CLECL1: variants seen among roughly 807,000 people sequenced by gnomAD.
The protein encoded by CLECL1 is C-type lectin-like domain family 1.
chr12:9,726,761 CTTTA>C lies in CLECL1; in HGVS notation n.262+800_262+803del, dbSNP rs781143285. On this transcript the variant is annotated intron_variant and non_coding_transcript_variant, in intron 3 of 3. Coordinates refer to ENST00000621400, the Ensembl canonical transcript of CLECL1. ...GATTTGGAAGCATTTAAAGCCAGAG[CTTTA>C]TTTATTGTCTCCCTGTGTCACAGGT... is the stretch of plus-strand genomic sequence containing the variant. Among the ~76,000 whole-genome samples, 90 of 151,904 alleles carry C rather than the reference CTTTA, an allele frequency of 5.9e-4. No homozygotes were observed. The East Asian group carries it at 0.015, about 25-fold the overall frequency.
downstream of CLECL1, among the ~76,000 whole-genome samples, chr12:9,718,281 C>T (rs1156250720): frequency 3.3e-5 from 5 of 151,776 alleles, no homozygotes; most frequent in Admixed American, 1.3e-4. Context: ...ATGTACATTC[C>T]CTGTCGTATA....
At chr12:9,719,480 T>C (rs182696682), downstream of CLECL1, among the ~76,000 whole-genome samples, 1,407 of 152,292 alleles carry the variant, frequency 9.2e-3, 18 homozygotes, top group African/African-American at 0.029. Context: ...GAGCCGAGAT[T>C]GCATCACTGC....
At chr12:9,713,404 G>A (rs1866212932), downstream of CLECL1, among the ~76,000 whole-genome samples, 1 of 152,312 alleles carries the variant, frequency 6.6e-6, no homozygotes, top group East Asian at 1.9e-4. Flanking sequence ...CCATAATACT[G>A]TTCTGCTTTA....
chr12:9,704,495 C>G, the CLECL1 span, among the ~76,000 whole-genome samples: 1 of 152,100 alleles, frequency 6.6e-6, no homozygotes. Context: ...ATTTATTGTA[C>G]AGATTATTTT....
downstream of CLECL1, among the ~76,000 whole-genome samples, chr12:9,717,573 A>G (rs1459444491): frequency 3.9e-5 from 6 of 152,258 alleles, no homozygotes; most frequent in Non-Finnish European, 8.8e-5. Context: ...CCTACAGCTG[A>G]ATTCACTTAG....
At chr12:9,723,572 C>T (rs1866341106) in intron 3 of CLECL1, among the ~76,000 whole-genome samples, 1 of 152,076 alleles carries the variant, frequency 6.6e-6, no homozygotes, top group African/African-American at 2.4e-5. Context: ...ATCATTTTTA[C>T]AATTGTTAGC....
At chr12:9,734,268 C>G (rs10844630), upstream of CLECL1, among the ~76,000 whole-genome samples, 48,305 of 152,048 alleles carry the variant, frequency 0.32, 8,015 homozygotes, top group South Asian at 0.46. Context: ...GGGATCCCTC[C>G]TATAAAGACC....
At chr12:9,728,048 AT>A (rs1852124798) in intron 2 of CLECL1, among the ~76,000 whole-genome samples, 2 of 151,734 alleles carry the variant, frequency 1.3e-5, no homozygotes, top group African/African-American at 4.8e-5. Context: ...CACCTGGTTG[AT>A]GTTTTGTATG....
At chr12:9,710,978 T>C (rs2192440), downstream of CLECL1, among the ~76,000 whole-genome samples, 147,591 of 152,320 alleles carry the variant, frequency 0.97, 71,563 homozygotes, top group East Asian at 1. Context: ...ATACAGAAAG[T>C]CCACTGTCCT....
downstream of CLECL1, among the ~76,000 whole-genome samples, chr12:9,720,689 T>C (rs1866299451): frequency 6.6e-6 from 1 of 152,166 alleles, no homozygotes; most frequent in African/African-American, 2.4e-5. Context: ...TGCATCACAA[T>C]GGACATGAAG....
chr12:9,718,401 G>C (rs1025820575), downstream of CLECL1, among the ~76,000 whole-genome samples: 1 of 151,092 alleles, frequency 6.6e-6, no homozygotes, highest in African/African-American at 2.4e-5. Context: ...ACTTAAAGAG[G>C]TGTTTACATC....
At chr12:9,704,432 A>G in the CLECL1 span, among the ~76,000 whole-genome samples, 1 of 152,172 alleles carries the variant, frequency 6.6e-6, no homozygotes, top group Non-Finnish European at 1.5e-5. Context: ...AAGTTCAGAG[A>G]TACATGTGCA....
the CLECL1 span, among the ~76,000 whole-genome samples, chr12:9,703,839 A>G: frequency 1.3e-5 from 2 of 152,266 alleles, no homozygotes; most frequent in South Asian, 4.1e-4. Flanking sequence ...TTTTTTAATG[A>G]GAAATAGTCA....
intron 2 of CLECL1, among the ~76,000 whole-genome samples, chr12:9,717,181 C>A (rs749088792): frequency 6.6e-6 from 1 of 152,284 alleles, no homozygotes; most frequent in African/African-American, 2.4e-5. Context: ...GAGGCGGAGG[C>A]GGGCAGATCA....
intron 3 of CLECL1, among the ~76,000 whole-genome samples, chr12:9,724,064 G>A (rs11052713): frequency 0.31 from 47,537 of 151,528 alleles, 7,852 homozygotes; most frequent in South Asian, 0.47. Context: ...GTGTGTGCCT[G>A]TAACCCCAGC....
chr12:9,717,877 T>C (rs937741710), downstream of CLECL1, among the ~76,000 whole-genome samples: 7 of 152,154 alleles, frequency 4.6e-5, no homozygotes, highest in Non-Finnish European at 8.8e-5. Context: ...TGTTTTTTTT[T>C]CTTTAAGTAG....
At chr12:9,706,047 C>A in the CLECL1 span, among the ~76,000 whole-genome samples, 1 of 152,124 alleles carries the variant, frequency 6.6e-6, no homozygotes, top group Non-Finnish European at 1.5e-5. Flanking sequence ...TCTCTGATTT[C>A]TTTGAGCAGT....
intron 3 of CLECL1, among the ~76,000 whole-genome samples, chr12:9,727,008 T>C (rs11834388): frequency 0.011 from 1,694 of 151,890 alleles, 36 homozygotes; most frequent in African/African-American, 0.039. Flanking sequence ...CATTCTAATA[T>C]AATTGTTTCT....
the CLECL1 span, among the ~76,000 whole-genome samples, chr12:9,710,162 C>G: frequency 5.3e-5 from 8 of 152,290 alleles, no homozygotes; most frequent in South Asian, 1.7e-3. Flanking sequence ...ATATTTGGCA[C>G]TAAATTCTTT....
Sources: gnomAD v4.1 joint callset for allele counts (sites outside exome capture counted in the v4.1 genomes callset) on GRCh38, gnomAD v4.1.1 for gene constraint, MANE v1.5 for transcripts, NCBI Gene and HGNC (gene_info 2026-07-23, HGNC 2026-07-21) for gene names.